The following SDK1 variants were observed in gnomAD, a reference collection of about 807,000 sequenced individuals.
SDK1 encodes the protein sidekick cell adhesion molecule 1.
SDK1 carries 157 observed loss-of-function variants against 245.5 expected under a neutral mutation model. The observed-to-expected ratio is 0.64, with a 90% CI of 0.56 to 0.73. The LOEUF is 0.73. Ranked by LOEUF, SDK1 falls within the 30% of genes least tolerant of loss-of-function variation. SDK1 has a pLI of 0.00. For synonymous variants in SDK1, 1,647 were observed against 1,278.5 expected (o/e 1.29, Z -6.15); for missense variants, 3,583 against 3,002.3 (o/e 1.19, Z -4.52).
intron 1 of SDK1, among the ~76,000 whole-genome samples, chr7:3,466,781 A>G (rs373520202): frequency 2.0e-5 from 3 of 151,706 alleles, no homozygotes; most frequent in East Asian, 1.9e-4. Flanking sequence ...CCCCTTCTCT[A>G]AAGCAGAGTT....
At chr7:4,197,229 C>T (rs756902793) in intron 35 of SDK1, among the ~76,000 whole-genome samples, 1 of 150,812 alleles carries the variant, frequency 6.6e-6, no homozygotes, top group African/African-American at 2.4e-5. Flanking sequence ...TTTGGGAGGC[C>T]GAGGTGGGAG....
chr7:3,335,622 G>C (rs1780181077), intron 1 of SDK1, among the ~76,000 whole-genome samples: 1 of 152,164 alleles, frequency 6.6e-6, no homozygotes, highest in South Asian at 2.1e-4. Context: ...TGTGGAGAAA[G>C]TAGTCTGTAA....
intron 14 of SDK1, among the ~76,000 whole-genome samples, chr7:4,009,725 T>A (rs1013628007): frequency 6.6e-6 from 1 of 152,198 alleles, no homozygotes; most frequent in African/African-American, 2.4e-5. Flanking sequence ...CAGCTTAACT[T>A]TGTGTTAAGG....
intron 19 of SDK1, among the ~76,000 whole-genome samples, chr7:4,061,613 C>T (rs1322377503): frequency 6.6e-6 from 1 of 151,986 alleles, no homozygotes; most frequent in Admixed American, 6.6e-5. Flanking sequence ...ACCATTTGAC[C>T]CAGCCATCCC....
At chr7:3,891,870 A>G (rs1324076649) in intron 5 of SDK1, among the ~76,000 whole-genome samples, 2 of 152,068 alleles carry the variant, frequency 1.3e-5, no homozygotes, top group African/African-American at 4.8e-5. Context: ...CTTCCCTTTC[A>G]ATTGTATTTG....
intron 5 of SDK1, among the ~76,000 whole-genome samples, chr7:3,901,399 G>A (rs768185942): frequency 6.6e-6 from 1 of 152,070 alleles, no homozygotes; most frequent in Non-Finnish European, 1.5e-5. Flanking sequence ...TGCTAGCCAG[G>A]ATGGTCTCGA....
chr7:3,692,556 A>G (rs1469872561), intron 4 of SDK1, among the ~76,000 whole-genome samples: 1 of 152,134 alleles, frequency 6.6e-6, no homozygotes, highest in Non-Finnish European at 1.5e-5. Flanking sequence ...ATTTGGGTAC[A>G]TTTCAGTTAT....
intron 1 of SDK1, among the ~76,000 whole-genome samples, chr7:3,586,466 G>A (rs1274160332): frequency 6.6e-6 from 1 of 151,896 alleles, no homozygotes; most frequent in Non-Finnish European, 1.5e-5. Flanking sequence ...GGGAGGCCGA[G>A]GTGGGTGGAT....
chr7:4,003,663 G>A (rs1248219368), intron 14 of SDK1, among the ~76,000 whole-genome samples: 1 of 152,226 alleles, frequency 6.6e-6, no homozygotes, highest in Admixed American at 6.5e-5. Context: ...CCCTGTCAAC[G>A]TGACTCATCA....
At chr7:3,616,451 C>G (rs1374497841) in intron 1 of SDK1, among the ~76,000 whole-genome samples, 1 of 152,148 alleles carries the variant, frequency 6.6e-6, no homozygotes, top group East Asian at 1.9e-4. Context: ...GCTGTTCACT[C>G]TTTCGTACTG....
intron 13 of SDK1, among the ~76,000 whole-genome samples, chr7:3,986,249 T>G (rs1335460471): frequency 6.6e-6 from 1 of 152,204 alleles, no homozygotes; most frequent in Non-Finnish European, 1.5e-5. Flanking sequence ...TCGCTTTAAT[T>G]GCATTTCCAT....
intron 4 of SDK1, among the ~76,000 whole-genome samples, chr7:3,770,292 A>G (rs1780372633): frequency 6.6e-6 from 1 of 152,168 alleles, no homozygotes; most frequent in Non-Finnish European, 1.5e-5. Context: ...ACGTATTAAT[A>G]ACTCATTCAT....
At chr7:3,986,258 A>G (rs903330469) in intron 13 of SDK1, among the ~76,000 whole-genome samples, 5 of 151,592 alleles carry the variant, frequency 3.3e-5, no homozygotes, top group Admixed American at 6.6e-5. Context: ...TTGCATTTCC[A>G]TTTCATAGCC....
intron 36 of SDK1, among the ~76,000 whole-genome samples, 185 bp from the exon 37 acceptor site, chr7:4,207,914 C>T (rs868550934): frequency 2.6e-5 from 4 of 152,246 alleles, no homozygotes; most frequent in African/African-American, 9.6e-5. Context: ...CCAGGGGTCC[C>T]CGTCCATACA....
At chr7:4,239,496 A>T (rs1180042055) in intron 42 of SDK1, among the ~76,000 whole-genome samples, 1 of 152,230 alleles carries the variant, frequency 6.6e-6, no homozygotes, top group Non-Finnish European at 1.5e-5. Flanking sequence ...ACTTCTCTGG[A>T]TAACCAGAAT....
intron 1 of SDK1, among the ~76,000 whole-genome samples, chr7:3,332,659 G>C (rs955406375): frequency 2.6e-5 from 4 of 152,098 alleles, no homozygotes; most frequent in Admixed American, 6.6e-5. Context: ...TATAATTAAA[G>C]TTAGTAGAGG....
chr7:4,076,727 C>T (rs1038263720), intron 20 of SDK1, among the ~76,000 whole-genome samples: 1 of 152,176 alleles, frequency 6.6e-6, no homozygotes, highest in African/African-American at 2.4e-5. Context: ...CCCAGAGGCC[C>T]TGTCCTTATG....
At chr7:4,106,106 T>C (rs1782884775) in intron 22 of SDK1, among the ~76,000 whole-genome samples, 1 of 152,136 alleles carries the variant, frequency 6.6e-6, no homozygotes, top group African/African-American at 2.4e-5. Flanking sequence ...ATCCTGGCCC[T>C]GAAACTGTTT....
chr7:3,498,326 TC>T (rs1364828382), intron 1 of SDK1, among the ~76,000 whole-genome samples: 1 of 152,202 alleles, frequency 6.6e-6, no homozygotes, highest in Non-Finnish European at 1.5e-5. Context: ...TTCTAGGACT[TC>T]AAAAAGTTTA....
Sources: gnomAD v4.1 joint callset for allele counts (sites outside exome capture counted in the v4.1 genomes callset) on GRCh38, gnomAD v4.1.1 for gene constraint, MANE v1.5 for transcripts, NCBI Gene and HGNC (gene_info 2026-07-23, HGNC 2026-07-21) for gene names.